Variants in SRSF11 observed in about 807,000 individuals in gnomAD.
SRSF11 encodes the protein serine and arginine rich splicing factor 11.
In SRSF11, 9 loss-of-function variants were observed where a neutral mutation model predicts 56.0. That is an observed-to-expected ratio of 0.16 (90% CI 0.10 to 0.28). The LOEUF (loss-of-function observed/expected upper bound fraction) is 0.28. Ranked by LOEUF, SRSF11 falls within the 10% of genes least tolerant of loss-of-function variation. The probability of loss-of-function intolerance (pLI) is 1.00; values close to 1 mark genes in which losing one functional copy is unlikely to be tolerated. For missense variants in SRSF11, 421 were observed against 600.7 expected (o/e 0.70, Z 3.13); for synonymous variants, 222 against 215.3 (o/e 1.03, Z -0.27).
chr1:70,216,552 C>T (rs1227682398), upstream of SRSF11, among the ~76,000 whole-genome samples: 1 of 152,024 alleles, frequency 6.6e-6, no homozygotes, highest in Non-Finnish European at 1.5e-5. Flanking sequence ...CCACTTCAGC[C>T]TCCCAAGTAA....
rs777262133 is a variant in SRSF11, at chr1:70,252,850, CT to C, written c.*2046del. On this transcript the variant is annotated 3_prime_UTR_variant, in exon 12 of 12. Coordinates refer to ENST00000370949, the MANE Select transcript of SRSF11 (RefSeq NM_001350605.2). ...AATCATTTTTTTAAAAGTAGTGCCACTGACAAGATGCTACAGTGAAGATTAT... is the reference window on the plus strand; with the variant it reads ...AATCATTTTTTTAAAAGTAGTGCCACGACAAGATGCTACAGTGAAGATTAT... 1.5e-4 allele frequency: 23 copies of C among 152,146 alleles called. No homozygotes were observed. The highest frequency in any genetic ancestry group is 2.9e-4 in the Non-Finnish European group (20 of 68,024). 9.4% of individuals were successfully genotyped at this position (152,146 alleles called of 1,614,324 possible).
intron 7 of SRSF11, among the ~76,000 whole-genome samples, chr1:70,239,829 T>G (rs1242327659): frequency 1.3e-5 from 2 of 152,188 alleles, no homozygotes; most frequent in Non-Finnish European, 1.5e-5. Flanking sequence ...GTATTTGTTA[T>G]CTAGTGTCAA....
chr1:70,228,641 TAAATC>T, intron 2 of SRSF11, 86 bp downstream of exon 2: 1 of 1,435,350 alleles, frequency 7.0e-7, no homozygotes. Flanking sequence ...AGTAGCATGT[TAAATC>T]TAAGCTATTA....
intron 2 of SRSF11, chr1:70,229,513 C>T (rs1302079101): frequency 2.0e-6 from 2 of 984,776 alleles, no homozygotes; most frequent in Admixed American, 1.2e-4. Context: ...CAATGTACTG[C>T]TACTTGATTT....
At position 70,221,865 on chromosome 1, in the gene SRSF11, C is replaced by A. The variant is rs202184074; in HGVS notation, c.203+26C>A. 1.5e-5 allele frequency: 24 copies of A among 1,612,496 alleles called. No homozygotes were observed. In the East Asian group the frequency reaches 2.7e-4, roughly 18 times the overall value. On this transcript the variant is annotated intron_variant, in intron 1 of 11. Transcript: ENST00000370949. ...GTGAGTATCGTCCACCATCACTGTT[C>A]CTGCTAACGCCGCCTCAGCCTGGGC...
intron 1 of SRSF11, among the ~76,000 whole-genome samples, chr1:70,224,306 C>T (rs781709616): frequency 1.3e-5 from 2 of 152,124 alleles, no homozygotes; most frequent in Non-Finnish European, 1.5e-5. Flanking sequence ...TCTTTTTCCC[C>T]TAGACATATC....
At chr1:70,205,696 G>T, upstream of SRSF11, 1 of 662,016 alleles carries the variant, frequency 1.5e-6, no homozygotes, top group Non-Finnish European at 2.4e-6. Context: ...TCCAGATGTC[G>T]TCAGCACCAG....
At chr1:70,226,775 G>GC (rs1256906844) in intron 1 of SRSF11, among the ~76,000 whole-genome samples, 1 of 152,212 alleles carries the variant, frequency 6.6e-6, no homozygotes, top group East Asian at 1.9e-4. Flanking sequence ...CACACCTGCA[G>GC]CCCCATCTAT....
At chr1:70,209,720 G>A (rs1395761130) in intron 1 of SRSF11, among the ~76,000 whole-genome samples, 1 of 141,796 alleles carries the variant, frequency 7.1e-6, no homozygotes, top group East Asian at 2.1e-4. Context: ...CAACTAGCTG[G>A]GACTAAAAGC....
At chr1:70,215,264 G>A (rs762965999) in intron 1 of SRSF11, among the ~76,000 whole-genome samples, 1 of 152,124 alleles carries the variant, frequency 6.6e-6, no homozygotes, top group Non-Finnish European at 1.5e-5. Context: ...TCATGGCTCT[G>A]TATAGCTAAA....
chr1:70,245,256 C>T (rs531901917), intron 8 of SRSF11, among the ~76,000 whole-genome samples: 1 of 152,192 alleles, frequency 6.6e-6, no homozygotes, highest in African/African-American at 2.4e-5. Flanking sequence ...AAATATTTAT[C>T]TTAATTTTCT....
intron 1 of SRSF11, among the ~76,000 whole-genome samples, chr1:70,211,965 C>T (rs941643910): frequency 5.9e-5 from 9 of 152,130 alleles, no homozygotes; most frequent in African/African-American, 2.2e-4. Context: ...CTCATCCCTC[C>T]CCTAAAATAA....
chr1:70,224,789 A>G (rs1671410470), intron 1 of SRSF11, among the ~76,000 whole-genome samples: 1 of 152,206 alleles, frequency 6.6e-6, no homozygotes, highest in Non-Finnish European at 1.5e-5. Flanking sequence ...CAGGTATTTG[A>G]AAGTTGAACC....
chr1:70,217,342 G>A (rs1268729129), upstream of SRSF11, among the ~76,000 whole-genome samples: 1 of 152,058 alleles, frequency 6.6e-6, no homozygotes, highest in Non-Finnish European at 1.5e-5. Context: ...ATTTTTAGTA[G>A]AGGCAGGGTT....
chr1:70,214,786 T>A (rs1269348399), intron 1 of SRSF11, among the ~76,000 whole-genome samples: 1 of 152,070 alleles, frequency 6.6e-6, no homozygotes, highest in Non-Finnish European at 1.5e-5. Flanking sequence ...ATCTGATTTT[T>A]AAATAGATAT....
chr1:70,246,663 CATAAAGTATT>C (rs1676842529), intron 8 of SRSF11, 145 bp from the exon 9 acceptor site: 1 of 471,544 alleles, frequency 2.1e-6, no homozygotes, highest in Non-Finnish European at 3.8e-6. Flanking sequence ...AAATATGCCA[CATAAAGTATT>C]ATTTTTAAAA....
chr1:70,228,351 T>G, intron 1 of SRSF11, 71 bp from the exon 2 acceptor site: 1 of 1,178,050 alleles, frequency 8.5e-7, no homozygotes, highest in Non-Finnish European at 1.2e-6. Context: ...TTGAAATGTG[T>G]TGGTTTGTGA....
At position 70,236,792 on chromosome 1, in the gene SRSF11, A is replaced by ATTTTTT. The variant is rs35602423; in HGVS notation, c.591-609_591-604dup. On this transcript the variant is annotated intron_variant, in intron 5 of 11. Coordinates refer to ENST00000370949, the MANE Select transcript of SRSF11 (RefSeq NM_001350605.2). ...TCCCCAAAAAATTACTATGTCATAA[A>ATTTTTT]TTTTTTTTTTTTTTTTTTTTTTTTT... Among the ~76,000 whole-genome samples, 45 of 83,778 alleles carry ATTTTTT rather than the reference A, an allele frequency of 5.4e-4. 2 individuals carry two copies. The highest frequency in any genetic ancestry group is 1.1e-3 in the African/African-American group (26 of 23,424). 55.0% of individuals were successfully genotyped at this position (83,778 alleles called of 152,430 possible). A position where few individuals can be genotyped will look rare whatever the true frequency, so the allele number is the denominator to read the frequency against.
At chr1:70,234,605 G>A (rs1673544527) in intron 3 of SRSF11, 91 bp from the exon 4 acceptor site, 6 of 1,015,664 alleles carry the variant, frequency 5.9e-6, no homozygotes, top group South Asian at 1.8e-5. Flanking sequence ...AACTCAAGTT[G>A]TTATCTGACC....
Sources: gnomAD v4.1 joint callset for allele counts (sites outside exome capture counted in the v4.1 genomes callset) on GRCh38, gnomAD v4.1.1 for gene constraint, MANE v1.5 for transcripts, NCBI Gene and HGNC (gene_info 2026-07-23, HGNC 2026-07-21) for gene names.